A2ML1: variants seen among roughly 807,000 people sequenced by gnomAD.
A2ML1 encodes the protein alpha-2-macroglobulin-like protein 1.
A2ML1 carries 161 observed loss-of-function variants against 181.9 expected under a neutral mutation model. The observed-to-expected ratio is 0.89, with a 90% CI of 0.78 to 1.01. The LOEUF is 1.01. A2ML1 is among the 50% of genes least tolerant of loss of function. A2ML1 has a pLI of 0.00. For missense variants in A2ML1, 1,670 were observed against 1,768.1 expected (o/e 0.94, Z 1.00); for synonymous variants, 663 against 666.8 (o/e 0.99, Z 0.09).
chr12:8,874,761 C>G (rs1944748216), intron 34 of A2ML1, among the ~76,000 whole-genome samples: 1 of 152,104 alleles, frequency 6.6e-6, no homozygotes, highest in South Asian at 2.1e-4. Context: ...AACCATTGTT[C>G]TCAAAGGGCT....
At position 8,852,363 on chromosome 12, in the gene A2ML1, G is replaced by A. The variant is rs774935095; in HGVS notation, c.2590+27G>A. The A allele has an allele frequency of 1.1e-5, 17 of 1,613,282 alleles. No individual in the cohort carries two copies. The South Asian group carries it at 1.1e-4, about 10-fold the overall frequency. On this transcript the variant is annotated intron_variant, in intron 20 of 35. Transcript: ENST00000299698. The surrounding 1 kb of genome is among the most constrained non-coding windows in gnomAD (Gnocchi z 4.2). The stretch of plus-strand genomic sequence containing the variant: ...TAAGAGAGGGAAGTGGTAGACGGGC[G>A]AGGAAAGCCAGCAGCAGAAGACCAG...
In A2ML1 at chr12:8,848,919, G is replaced by T; in HGVS notation, c.2028+5G>T. ...GACCTTTTCAGCTTTTTCCGGGTAG[G>T]TCTTCTTACCCATTTTGTTCTTATG... On this transcript the variant is annotated splice_donor_5th_base_variant and intron_variant, in intron 16 of 35. Transcript: ENST00000299698. 6.2e-7 allele frequency: 1 copy of T among 1,609,536 alleles called. No homozygotes were observed.
Position 8,843,099 on chromosome 12 carries a change from C to T in A2ML1, c.1249-35C>T, listed in dbSNP as rs370213211. The T allele has an allele frequency of 5.7e-4, 906 of 1,589,618 alleles. 10 individuals are homozygous for T. In the South Asian group the frequency reaches 9.6e-3, roughly 17 times the overall value. On this transcript the variant is annotated intron_variant, in intron 11 of 35. Coordinates refer to ENST00000299698, the MANE Select transcript of A2ML1 (RefSeq NM_144670.6). ...CCGTGGGGTTTCCATGGTTGGAGCA[C>T]ATGCTAAAATTCTCTCTCTCTCTTT...
chr12:8,884,199 A>G (rs1465329447), intron 7 of A2ML1, among the ~76,000 whole-genome samples: 1 of 133,476 alleles, frequency 7.5e-6, no homozygotes. Flanking sequence ...TTCTGGATTG[A>G]CTTTCTTTTG....
intron 7 of A2ML1, among the ~76,000 whole-genome samples, chr12:8,883,678 A>G (rs1478164422): frequency 1.3e-5 from 2 of 151,840 alleles, no homozygotes; most frequent in Non-Finnish European, 2.9e-5. Context: ...GTGTTTCACC[A>G]TGTTGGTCAG....
At chr12:8,854,012 G>A (rs1943976792) in intron 20 of A2ML1, 116 bp from the exon 21 acceptor site, 1 of 1,341,790 alleles carries the variant, frequency 7.5e-7, no homozygotes, top group Non-Finnish European at 9.8e-7. Context: ...TGGCAGCAGA[G>A]TTTGCACTGT....
At chr12:8,851,380 A>G (rs1943883263) in intron 18 of A2ML1, among the ~76,000 whole-genome samples, 2 of 151,574 alleles carry the variant, frequency 1.3e-5, no homozygotes, top group Non-Finnish European at 2.9e-5. Flanking sequence ...TACAATAACA[A>G]TAACAATTTT....
chr12:8,873,470 G>T (rs1565496788), intron 33 of A2ML1, among the ~76,000 whole-genome samples: 1 of 152,078 alleles, frequency 6.6e-6, no homozygotes, highest in Non-Finnish European at 1.5e-5. Flanking sequence ...ACCAACATAT[G>T]CCAGTCACTT....
At chr12:8,827,871 C>T (rs893735835) in intron 3 of A2ML1, among the ~76,000 whole-genome samples, 1 of 152,164 alleles carries the variant, frequency 6.6e-6, no homozygotes, top group Admixed American at 6.5e-5. Context: ...ATAGAGGTAC[C>T]TCCTTGATGG....
chr12:8,865,331 G>A (rs2136947342), intron 29 of A2ML1, among the ~76,000 whole-genome samples: 1 of 151,030 alleles, frequency 6.6e-6, no homozygotes, highest in African/African-American at 2.4e-5. Flanking sequence ...CCTGAGGTCG[G>A]GAGTTCGAGA....
chr12:8,860,547 G>C (rs980355771), intron 26 of A2ML1, among the ~76,000 whole-genome samples: 3 of 152,118 alleles, frequency 2.0e-5, no homozygotes, highest in African/African-American at 4.8e-5. Context: ...ATGCGGTGAT[G>C]CGGCAGATTC....
At position 8,855,467 on chromosome 12, in the gene A2ML1, C is replaced by T. The variant is rs184316537; in HGVS notation, c.2765-42C>T. The T allele has an allele frequency of 2.5e-6, 4 of 1,594,626 alleles. No homozygotes were observed. The Admixed American group carries it at 6.7e-5, about 27-fold the overall frequency. ...TTTTGTCTTGAGAACCCCTGCCATT[C>T]CCCATCTTCTATTGTGTCACCTTTT... On this transcript the variant is annotated intron_variant, in intron 22 of 35. Transcript: ENST00000299698.
Position 8,849,699 on chromosome 12 carries a change from AAAATCAAG to A in A2ML1, c.2062_2069del (p.Ile688AlafsTer26). The A allele has an allele frequency of 6.2e-7, 1 of 1,614,204 alleles. No homozygotes were observed. The highest frequency in any genetic ancestry group is 8.5e-7 in the Non-Finnish European group (1 of 1,180,014). ...GGGCCTGAAAATACTGTCCAATGCCAAAATCAAGAAGCCAGTAGATTGCAGTCACAGAT... is the reference window on the plus strand; with the variant it reads ...GGGCCTGAAAATACTGTCCAATGCCAAAGCCAGTAGATTGCAGTCACAGAT... On this transcript the variant is annotated frameshift_variant, in exon 17 of 36. Coordinates refer to ENST00000299698, the MANE Select transcript of A2ML1 (RefSeq NM_144670.6). LOFTEE classifies it high-confidence loss of function.
intron 24 of A2ML1, 26 bp from the exon 25 acceptor site, chr12:8,857,481 A>G (rs777725932): frequency 6.2e-7 from 1 of 1,611,026 alleles, no homozygotes; most frequent in Non-Finnish European, 8.5e-7. Context: ...TGTCGCTGTG[A>G]TCTAAAACCA....
intron 15 of A2ML1, among the ~76,000 whole-genome samples, chr12:8,848,405 C>T (rs1403781952): frequency 1.3e-5 from 2 of 151,394 alleles, no homozygotes; most frequent in Non-Finnish European, 2.9e-5. Flanking sequence ...TGCGTGAACC[C>T]GGGAGGCAGA....
In A2ML1 at chr12:8,837,467, G is replaced by A. The variant is rs748624681; in HGVS notation, c.756G>A (p.Gly252=). 1 of 1,614,072 alleles carries A rather than the reference G, an allele frequency of 6.2e-7. No homozygotes were observed. Among genetic ancestry groups the A allele is most frequent in the South Asian group, 1.1e-5 (1 of 91,078 alleles). The change falls in exon 8 of 36, where the codon GGG becomes GGA. Residue 252 remains glycine, a synonymous_variant. Transcript: ENST00000299698. ...CRYTYGKPML[G]AVQVSVCQKA... ...ACACCTATGGAAAGCCCATGCTAGGGGCAGTGCAGGTATCTGTGTGTCAGA... is the reference window on the plus strand; with the variant it reads ...ACACCTATGGAAAGCCCATGCTAGGAGCAGTGCAGGTATCTGTGTGTCAGA...
chr12:8,829,369 T>G (rs1016849283), intron 3 of A2ML1, among the ~76,000 whole-genome samples: 2 of 152,120 alleles, frequency 1.3e-5, no homozygotes, highest in Non-Finnish European at 2.9e-5. Context: ...AGAGGAAAGA[T>G]TCTGAGCAGG....
intron 3 of A2ML1, among the ~76,000 whole-genome samples, chr12:8,825,402 A>C (rs1369056999): frequency 6.6e-6 from 1 of 152,058 alleles, no homozygotes; most frequent in African/African-American, 2.4e-5. Flanking sequence ...TTCTTTTGAG[A>C]AATGTCTATT....
At chr12:8,837,638 T>C in intron 8 of A2ML1, 72 bp downstream of exon 8, 2 of 1,478,654 alleles carry the variant, frequency 1.4e-6, no homozygotes, top group Admixed American at 2.0e-5. Context: ...TCCCAGCACT[T>C]TGGGAGGCCG....
Sources: gnomAD v4.1 joint callset for allele counts (sites outside exome capture counted in the v4.1 genomes callset) on GRCh38, gnomAD v4.1.1 for gene constraint, Gnocchi (gnomAD v3.1) non-coding constraint, MANE v1.5 for transcripts, NCBI Gene and HGNC (gene_info 2026-07-23, HGNC 2026-07-21) for gene names.